The following ARMC9 variants were observed in gnomAD, a reference collection of about 807,000 sequenced individuals.
ARMC9 encodes the protein armadillo repeat containing 9, also known as lisH domain-containing protein ARMC9.
Under a neutral mutation model 107.0 loss-of-function variants are expected in ARMC9, and 94 were observed. The ratio of observed to expected loss-of-function variants is 0.88; its 90% CI spans 0.74 to 1.04. The LOEUF is 1.04. Among genes scored for constraint, ARMC9 ranks in the 50% least tolerant of loss-of-function variants. The pLI is 0.00. For missense variants in ARMC9, 942 were observed against 1,030.1 expected, an observed-to-expected ratio of 0.91 and a Z score of 1.17; for synonymous variants, 380 against 396.9, an observed-to-expected ratio of 0.96 and a Z score of 0.51.
intron 1 of ARMC9, among the ~76,000 whole-genome samples, chr2:231,201,510 G>A (rs2030971591): frequency 6.6e-6 from 1 of 152,140 alleles, no homozygotes; most frequent in Admixed American, 6.6e-5. Flanking sequence ...CCACTCCCGT[G>A]GTCGGGAGCT....
chr2:231,350,026 T>TA (rs200774556), intron 21 of ARMC9, among the ~76,000 whole-genome samples: 330 of 136,832 alleles, frequency 2.4e-3, no homozygotes, highest in Admixed American at 4.9e-3. Context: ...CACAAACATC[T>TA]AAAAAAAAAA....
chr2:231,329,589 G>A (rs1425818951), intron 19 of ARMC9, among the ~76,000 whole-genome samples: 3 of 152,330 alleles, frequency 2.0e-5, no homozygotes, highest in Admixed American at 6.5e-5. Context: ...GATTACAGGT[G>A]TGAGCCACCG....
At position 231,355,845 on chromosome 2, in the gene ARMC9, A is replaced by G; in HGVS notation, c.2042A>G (p.Asn681Ser). The G allele has an allele frequency of 2.0e-6, 3 of 1,536,108 alleles. No homozygotes were observed. Among genetic ancestry groups the G allele is most frequent in the Non-Finnish European group, 2.6e-6 (3 of 1,146,896 alleles). The part of the protein sequence containing the change: ...TPPQTAQHAR[N>S]GHPQALPAAH... ...CCCCAGACAGCCCAGCACGCCAGAA[A>G]CGGCCACCCGCAGGCCCTGCCAGCC... Residue 681 changes from asparagine (N) to serine (S), a missense_variant, in exon 22 of 25, where the codon AAC (asparagine) becomes AGC (serine). Transcript: ENST00000611582.
rs1220069667 is a variant in ARMC9 at position 231,358,995 on chromosome 2, G to A, written c.2132-1759G>A. Among the ~76,000 whole-genome samples the A allele has an allele frequency of 6.6e-6, 1 of 151,810 alleles. No individual in the cohort carries two copies. The highest frequency in any genetic ancestry group is 1.5e-5 in the Non-Finnish European group (1 of 67,994). ...GTCTGAAATGGACCAGCAGGCAAGA[G>A]ATACTACTGTCCCAGGAAGACCCCG... On this transcript the variant is annotated intron_variant, in intron 22 of 24. Coordinates refer to ENST00000611582, the MANE Select transcript of ARMC9 (RefSeq NM_001352754.2). This position sits in a 1 kb window ranked among gnomAD's most constrained non-coding sequence, Gnocchi z 4.5.
Position 231,215,251 on chromosome 2 carries a change from T to C in ARMC9, c.348+250T>C, listed in dbSNP as rs886434381. 1.0e-5 allele frequency: 4 copies of C among 401,814 alleles called. No homozygotes were observed. In the Admixed American group the frequency reaches 1.2e-4, roughly 12 times the overall value. 24.9% of individuals were successfully genotyped at this position (401,814 alleles called of 1,614,324 possible). ...CTAAATACCTCAAGTTTTTGAAACC[T>C]CATCAAAATAAAGTTTATTTGGCAA... On this transcript the variant is annotated intron_variant, in intron 4 of 24. Coordinates refer to ENST00000611582, the MANE Select transcript of ARMC9 (RefSeq NM_001352754.2).
intron 9 of ARMC9, among the ~76,000 whole-genome samples, chr2:231,248,761 CATGCTG>C (rs1379855276): frequency 1.5e-5 from 2 of 135,888 alleles, no homozygotes; most frequent in African/African-American, 5.5e-5. Context: ...TAGCCGAGAT[CATGCTG>C]CTGCATTCCA....
At chr2:231,247,428 T>C (rs1432755728) in intron 9 of ARMC9, among the ~76,000 whole-genome samples, 1 of 152,178 alleles carries the variant, frequency 6.6e-6, no homozygotes, top group East Asian at 1.9e-4. Flanking sequence ...GCTCAGCATC[T>C]TCAGCCCTTG....
intron 9 of ARMC9, among the ~76,000 whole-genome samples, chr2:231,241,221 A>G (rs1033167223): frequency 2.6e-5 from 4 of 151,642 alleles, no homozygotes; most frequent in African/African-American, 9.7e-5. Flanking sequence ...AAAAAATAGA[A>G]CATTTCTCCT....
At position 231,374,053 on chromosome 2, in the gene ARMC9, A is replaced by G. The variant is rs940045719; in HGVS notation, c.*2518A>G. On this transcript the variant is annotated 3_prime_UTR_variant, in exon 25 of 25. Coordinates refer to ENST00000611582, the MANE Select transcript of ARMC9 (RefSeq NM_001352754.2). ...TTCCAAGGCTGACAGCTAGAAATAT[A>G]CTTTGTAAAATACCAACAACTTATT... The G allele has an allele frequency of 5.3e-5, 8 of 152,200 alleles. No homozygotes were observed. Among genetic ancestry groups the G allele is most frequent in the Admixed American group, 3.9e-4 (6 of 15,278 alleles). 9.4% of individuals were successfully genotyped at this position (152,200 alleles called of 1,614,324 possible).
At chr2:231,263,574 T>C (rs1306233437) in intron 12 of ARMC9, among the ~76,000 whole-genome samples, 1 of 152,208 alleles carries the variant, frequency 6.6e-6, no homozygotes, top group Non-Finnish European at 1.5e-5. Context: ...TACTACTACA[T>C]TGGCAATTAA....
intron 10 of ARMC9, among the ~76,000 whole-genome samples, chr2:231,257,444 C>A (rs569587986): frequency 6.6e-6 from 1 of 152,254 alleles, no homozygotes; most frequent in African/African-American, 2.4e-5. Flanking sequence ...GCCAGCTTTG[C>A]GGGAGAGGAG....
intron 21 of ARMC9, among the ~76,000 whole-genome samples, chr2:231,353,990 C>A (rs1024278399): frequency 8.6e-6 from 1 of 116,094 alleles, no homozygotes; most frequent in South Asian, 2.2e-4. Context: ...TACACACACA[C>A]ACACACACAC....
chr2:231,267,215 G>T (rs75610643), intron 12 of ARMC9, among the ~76,000 whole-genome samples: 1 of 152,074 alleles, frequency 6.6e-6, no homozygotes, highest in Non-Finnish European at 1.5e-5. Context: ...GGTACCAGTT[G>T]TCCAACAGCA....
rs971210870 is a variant in ARMC9 at position 231,366,951 on chromosome 2, C to T, written c.2262-3002C>T. 8.0e-5 allele frequency among the ~76,000 whole-genome samples: 12 copies of T among 149,904 alleles called. 1 individual carries two copies. Among genetic ancestry groups the T allele is most frequent in the Non-Finnish European group, 1.3e-4 (9 of 67,300 alleles). ...CTGCAACCTCTGCCTCCCGGGTTCA[C>T]GCCATTCTCCTGCCTCAGCCTCCCG... is the stretch of plus-strand genomic sequence containing the variant. On this transcript the variant is annotated intron_variant, in intron 23 of 24. Transcript: ENST00000611582.
chr2:231,329,794 T>C (rs1217074987), intron 19 of ARMC9, among the ~76,000 whole-genome samples: 1 of 152,220 alleles, frequency 6.6e-6, no homozygotes, highest in Non-Finnish European at 1.5e-5. Context: ...TCCTGTGAGC[T>C]TTTTGAATTC....
chr2:231,336,881 T>G (rs1435143495), intron 20 of ARMC9, among the ~76,000 whole-genome samples: 1 of 152,158 alleles, frequency 6.6e-6, no homozygotes, highest in Non-Finnish European at 1.5e-5. Flanking sequence ...CAGCCTGTCT[T>G]CTGCAGCATG....
At chr2:231,322,815 C>T (rs2043071974) in intron 19 of ARMC9, among the ~76,000 whole-genome samples, 1 of 152,146 alleles carries the variant, frequency 6.6e-6, no homozygotes, top group Non-Finnish European at 1.5e-5. Context: ...TAGTCAAATT[C>T]CTCCAACAAT....
intron 19 of ARMC9, among the ~76,000 whole-genome samples, chr2:231,317,530 T>G (rs1379638554): frequency 6.6e-6 from 1 of 151,602 alleles, no homozygotes; most frequent in African/African-American, 2.4e-5. Flanking sequence ...TTTTGGGGTT[T>G]TTTTTTTTTT....
At position 231,371,844 on chromosome 2, in the gene ARMC9, C is replaced by T. The variant is rs2046031737; in HGVS notation, c.*309C>T. ...GGGGTGGCTTTTGCCCGCAGGAGAT[C>T]TTCTGGCCCCAGAAACAGCAGGTGC... On this transcript the variant is annotated 3_prime_UTR_variant, in exon 25 of 25. Transcript: ENST00000611582. 3.2e-6 allele frequency: 1 copy of T among 315,172 alleles called. No individual in the cohort carries two copies. The highest frequency in any genetic ancestry group is 2.1e-5 in the African/African-American group (1 of 46,696). The allele number at this position is 315,172 out of a possible 1,614,324, so 19.5% of individuals were successfully genotyped here. A position where few individuals can be genotyped will look rare whatever the true frequency, so the allele number is the denominator to read the frequency against.
Sources: gnomAD v4.1 joint callset for allele counts (sites outside exome capture counted in the v4.1 genomes callset) on GRCh38, gnomAD v4.1.1 for gene constraint, Gnocchi (gnomAD v3.1) non-coding constraint, MANE v1.5 for transcripts, NCBI Gene and HGNC (gene_info 2026-07-23, HGNC 2026-07-21) for gene names.